Variants in DBF4 observed in about 807,000 individuals in gnomAD.
The protein encoded by DBF4 is DBF4-CDC7 kinase regulatory subunit, also known as protein DBF4 homolog A.
A neutral mutation model predicts 76.6 loss-of-function variants in DBF4; 25 were observed. That is an observed-to-expected ratio of 0.33 (90% CI 0.24 to 0.46). DBF4 has a LOEUF of 0.46. Among genes scored for constraint, DBF4 ranks in the 20% least tolerant of loss-of-function variants. DBF4 has a pLI of 1.00. For missense variants in DBF4, 638 were observed against 760.8 expected (o/e 0.84, Z 1.90); for synonymous variants, 213 against 258.0 (o/e 0.83, Z 1.67).
intron 2 of DBF4, among the ~76,000 whole-genome samples, chr7:87,883,034 T>G (rs903417481): frequency 2.0e-5 from 3 of 152,192 alleles, no homozygotes; most frequent in African/African-American, 7.2e-5. Flanking sequence ...ACAGCCTTAA[T>G]GTCCAACAAG....
At chr7:87,901,378 A>G (rs549910369) in intron 10 of DBF4, among the ~76,000 whole-genome samples, 2 of 152,338 alleles carry the variant, frequency 1.3e-5, no homozygotes, top group Admixed American at 6.5e-5. Context: ...TGATGGGACC[A>G]AGGAATAGAT....
At chr7:87,884,817 G>GTCCCA (rs1839303961) in intron 2 of DBF4, among the ~76,000 whole-genome samples, 162 bp from the exon 3 acceptor site, 2 of 152,152 alleles carry the variant, frequency 1.3e-5, no homozygotes, top group Admixed American at 6.5e-5. Context: ...TGTGCCTATA[G>GTCCCA]TCCCAGCTGT....
intron 6 of DBF4, 108 bp from the exon 7 acceptor site, chr7:87,896,366 A>G (rs1839638749): frequency 1.2e-6 from 1 of 801,206 alleles, no homozygotes. Flanking sequence ...CTTCTTTGAT[A>G]TAGCACTTTT....
At chr7:87,887,719 C>G (rs1394245004) in intron 5 of DBF4, among the ~76,000 whole-genome samples, 1 of 152,092 alleles carries the variant, frequency 6.6e-6, no homozygotes, top group Non-Finnish European at 1.5e-5. Flanking sequence ...GTCTCTCTTT[C>G]TCTTTTTATA....
At chr7:87,895,773 T>C (rs949834132) in intron 6 of DBF4, among the ~76,000 whole-genome samples, 4 of 151,662 alleles carry the variant, frequency 2.6e-5, no homozygotes, top group African/African-American at 9.7e-5. Flanking sequence ...GGTTTCTCAA[T>C]GTTAGCTTAA....
At chr7:87,905,715 A>G (rs1839898349) in intron 11 of DBF4, among the ~76,000 whole-genome samples, 1 of 152,256 alleles carries the variant, frequency 6.6e-6, no homozygotes, top group Non-Finnish European at 1.5e-5. Context: ...GAAATGTGAT[A>G]ACAAGATACA....
In DBF4 at chr7:87,878,150, A is replaced by C. The variant is rs1210067776; in HGVS notation, c.144A>C (p.Gly48=). The C allele has an allele frequency of 6.2e-7, 1 of 1,613,390 alleles. No individual in the cohort carries two copies. The highest frequency in any genetic ancestry group is 1.1e-5 in the South Asian group (1 of 91,006). The change falls in exon 2 of 12, where the codon GGA becomes GGC. Residue 48 remains glycine, a synonymous_variant. Transcript: ENST00000265728. ...AATCCAAATGTAAGCCACTTTGGGG[A>C]AAAGTATTTTACCTTGACTTACCTT... ...PEKSKCKPLW[G]KVFYLDLPSV...
intron 6 of DBF4, among the ~76,000 whole-genome samples, chr7:87,893,700 T>A (rs1190787536): frequency 6.6e-6 from 1 of 152,242 alleles, no homozygotes; most frequent in Non-Finnish European, 1.5e-5. Context: ...GTCTTTTGCA[T>A]TTAACATATC....
chr7:87,890,318 C>T (rs1839452159), intron 6 of DBF4, among the ~76,000 whole-genome samples: 1 of 152,154 alleles, frequency 6.6e-6, no homozygotes, highest in African/African-American at 2.4e-5. Flanking sequence ...GTGGGCAGAT[C>T]ACACGAGGTC....
Position 87,900,867 on chromosome 7 carries a change from G to A in DBF4, c.913G>A (p.Asp305Asn). The A allele has an allele frequency of 6.2e-7, 1 of 1,611,784 alleles. No homozygotes were observed. The highest frequency in any genetic ancestry group is 1.1e-5 in the South Asian group (1 of 90,880). ...YCECCLQKYE[D>N]LETHLLSEQH... ...TGAATGTTGCTTGCAGAAATATGAA[G>A]ATCTAGAAACTGTAAATGTGATTTT... The change falls in exon 10 of 12, where the codon GAT becomes AAT. Residue 305 changes from aspartate to asparagine, a missense_variant. By Grantham distance (23) the Asp-to-Asn change is conservative. Transcript: ENST00000265728.
chr7:87,885,303 G>C (rs1241558795), intron 3 of DBF4, 145 bp downstream of exon 3: 2 of 611,780 alleles, frequency 3.3e-6, no homozygotes, highest in Non-Finnish European at 5.4e-6. Context: ...CCTCAATAAA[G>C]TTGCTGTCTT....
chr7:87,905,928 G>A (rs1001927277), intron 11 of DBF4, among the ~76,000 whole-genome samples: 10 of 151,670 alleles, frequency 6.6e-5, no homozygotes, highest in African/African-American at 2.4e-5. Context: ...TCGAAAGGCC[G>A]AGGCGGGCAG....
chr7:87,877,458 G>A (rs1839096253), intron 1 of DBF4, among the ~76,000 whole-genome samples: 1 of 152,206 alleles, frequency 6.6e-6, no homozygotes, highest in African/African-American at 2.4e-5. Context: ...TAAAGCAGTT[G>A]CTTGGATCTC....
intron 8 of DBF4, among the ~76,000 whole-genome samples, chr7:87,898,145 CT>C (rs906406588): frequency 2.0e-5 from 3 of 152,170 alleles, no homozygotes; most frequent in African/African-American, 7.2e-5. Flanking sequence ...AGATTACTTT[CT>C]TTTTTCTTTC....
intron 2 of DBF4, among the ~76,000 whole-genome samples, chr7:87,879,931 T>G (rs1184656211): frequency 6.9e-6 from 1 of 144,124 alleles, no homozygotes. Flanking sequence ...CCAGTATGAG[T>G]GACAGTGAGA....
chr7:87,898,211 G>A (rs1839687894), intron 8 of DBF4, among the ~76,000 whole-genome samples: 1 of 152,136 alleles, frequency 6.6e-6, no homozygotes, highest in Non-Finnish European at 1.5e-5. Flanking sequence ...ACACTGAGGC[G>A]ACAAAAGTGT....
chr7:87,896,609 A>C, intron 7 of DBF4, 99 bp downstream of exon 7: 2 of 1,092,584 alleles, frequency 1.8e-6, no homozygotes, highest in Non-Finnish European at 2.7e-6. Flanking sequence ...TGATTTATTC[A>C]AGGCTTTCTT....
At chr7:87,900,664 C>T in intron 9 of DBF4, 100 bp from the exon 10 acceptor site, 1 of 993,676 alleles carries the variant, frequency 1.0e-6, no homozygotes, top group Non-Finnish European at 1.5e-6. Context: ...CAAGTCTCTG[C>T]AAATTATGCA....
At chr7:87,904,473 C>T (rs1272166482) in intron 11 of DBF4, 57 bp downstream of exon 11, 3 of 1,544,446 alleles carry the variant, frequency 1.9e-6, no homozygotes, top group East Asian at 4.9e-5. Context: ...GGGGTGGTGG[C>T]TCATGCCTGT....
Sources: gnomAD v4.1 joint callset for allele counts (sites outside exome capture counted in the v4.1 genomes callset) on GRCh38, gnomAD v4.1.1 for gene constraint, MANE v1.5 for transcripts, NCBI Gene and HGNC (gene_info 2026-07-23, HGNC 2026-07-21) for gene names.